The following UGT2A1 variants were observed in gnomAD, a reference collection of about 807,000 sequenced individuals.
UGT2A1 encodes the protein UDP glucuronosyltransferase family 2 member A1 complex locus.
UGT2A1 carries 61 observed loss-of-function variants against 45.4 expected under a neutral mutation model. The ratio of observed to expected loss-of-function variants is 1.34; its 90% CI spans 1.09 to 1.66. The LOEUF (loss-of-function observed/expected upper bound fraction) is 1.66. UGT2A1 is among the 40% of genes most tolerant of loss of function. The pLI, the probability that UGT2A1 is intolerant of heterozygous loss-of-function variation, is 0.00. For synonymous variants in UGT2A1, 229 were observed against 196.2 expected (o/e 1.17, Z -1.40); for missense variants, 649 against 574.3 (o/e 1.13, Z -1.33).
chr4:69,594,756 G>C lies in UGT2A1; in HGVS notation c.1085-60C>G. 7 of 1,542,990 alleles carry C rather than the reference G, an allele frequency of 4.5e-6. No homozygotes were observed. The South Asian group carries it at 7.2e-5, about 16-fold the overall frequency. On this transcript the variant is annotated intron_variant, in intron 5 of 6. Transcript: ENST00000286604. ...ATAATAACACATTAGCAGAATTTGA[G>C]AGACAGAAGGGGTCAAAAAGCTGTA...
At chr4:69,650,457 T>G (rs1214745662) in intron 1 of UGT2A1, among the ~76,000 whole-genome samples, 1 of 152,038 alleles carries the variant, frequency 6.6e-6, no homozygotes, top group African/African-American at 2.4e-5. Context: ...AATCCTAGCT[T>G]CACATTATGC....
At position 69,594,476 on chromosome 4, in the gene UGT2A1, C is replaced by A; in HGVS notation, c.1304+1G>T. 1.2e-6 allele frequency: 2 copies of A among 1,613,982 alleles called. No individual in the cohort carries two copies. Among genetic ancestry groups the A allele is most frequent in the Non-Finnish European group, 1.7e-6 (2 of 1,179,962 alleles). ...AAGTTTTTAGGAGCCTTAGTACTTA[C>A]GAAGGTTCATTAATGACTGTTCTCA... is the stretch of plus-strand genomic sequence containing the variant. On this transcript the variant is annotated splice_donor_variant, in intron 6 of 6. Transcript: ENST00000286604. LOFTEE classifies it high-confidence loss of function.
rs192088038 is a variant in UGT2A1, at chr4:69,604,696, C to T, written c.848-5302G>A. 1.6e-4 allele frequency among the ~76,000 whole-genome samples: 22 copies of T among 136,728 alleles called. 3 individuals are homozygous for T. Among genetic ancestry groups the T allele is most frequent in the Non-Finnish European group, 2.6e-4 (17 of 64,322 alleles). The allele number at this position is 136,728 out of a possible 152,430, so 89.7% of individuals were successfully genotyped here. On this transcript the variant is annotated intron_variant, in intron 3 of 6. Coordinates refer to ENST00000286604, the MANE Select transcript of UGT2A1 (RefSeq NM_001252275.3). ...AACCCATCTCACGTGAAGAGACACA[C>T]ATAGGCTCAAAATAAAGTGATGGAG...
chr4:69,627,416 C>G (rs1465936519), intron 3 of UGT2A1, among the ~76,000 whole-genome samples: 1 of 150,138 alleles, frequency 6.7e-6, no homozygotes, highest in South Asian at 2.1e-4. Context: ...TAGATTATAA[C>G]AAAATTCCAA....
chr4:69,639,288 T>C lies in UGT2A1; in HGVS notation c.716-3466A>G, dbSNP rs759731913. ...AGTGTCTAGAAGTTTTCCTAGTTCT[T>C]TGTAGAAAGCCCATATTGTGAGAGG... On this transcript the variant is annotated intron_variant, in intron 2 of 6. Coordinates refer to ENST00000286604, the MANE Select transcript of UGT2A1 (RefSeq NM_001252275.3). The C allele has an allele frequency of 1.9e-6, 3 of 1,613,732 alleles. No individual in the cohort carries two copies. Among genetic ancestry groups the C allele is most frequent in the African/African-American group, 2.7e-5 (2 of 75,026 alleles).
chr4:69,650,699 T>A (rs1371617060), intron 1 of UGT2A1, among the ~76,000 whole-genome samples: 1 of 152,098 alleles, frequency 6.6e-6, no homozygotes, highest in Non-Finnish European at 1.5e-5. Context: ...GTATATTACC[T>A]GGAGTAAAAG....
At chr4:69,650,180 A>G (rs543694791) in intron 1 of UGT2A1, among the ~76,000 whole-genome samples, 1 of 151,600 alleles carries the variant, frequency 6.6e-6, no homozygotes, top group Non-Finnish European at 1.5e-5. Context: ...AAGACAAAGA[A>G]CTCTTGAGTA....
rs1418005929 is a variant in UGT2A1 at position 69,588,468 on chromosome 4, A to G, written c.*904T>C. 6.6e-6 allele frequency: 1 copy of G among 152,082 alleles called. No homozygotes were observed. Among genetic ancestry groups the G allele is most frequent in the African/African-American group, 2.4e-5 (1 of 41,428 alleles). The allele number at this position is 152,082 out of a possible 1,614,324, so 9.4% of individuals were successfully genotyped here. On this transcript the variant is annotated 3_prime_UTR_variant, in exon 7 of 7. Coordinates refer to ENST00000286604, the MANE Select transcript of UGT2A1 (RefSeq NM_001252275.3). The stretch of plus-strand genomic sequence containing the variant: ...TTTTTGGCATAAAATTAAACTTTTG[A>G]TTACAAATAGTGATTATATATTATG...
At chr4:69,609,604 C>T (rs970944793) in intron 3 of UGT2A1, among the ~76,000 whole-genome samples, 2 of 152,126 alleles carry the variant, frequency 1.3e-5, no homozygotes, top group Non-Finnish European at 2.9e-5. Flanking sequence ...ATATAACACC[C>T]TACTCGTGAA....
At chr4:69,614,061 T>C (rs767257657) in intron 3 of UGT2A1, among the ~76,000 whole-genome samples, 5 of 151,966 alleles carry the variant, frequency 3.3e-5, no homozygotes, top group Non-Finnish European at 4.4e-5. Context: ...AAAAATATGA[T>C]CTTGTATCTA....
chr4:69,592,425 T>C (rs1577939949), intron 6 of UGT2A1, among the ~76,000 whole-genome samples: 1 of 152,060 alleles, frequency 6.6e-6, no homozygotes, highest in African/African-American at 2.4e-5. Context: ...AGGTATTGCA[T>C]ATAGTCCAAA....
chr4:69,646,661 A>G (rs1395254102), intron 2 of UGT2A1, among the ~76,000 whole-genome samples: 2 of 151,858 alleles, frequency 1.3e-5, no homozygotes, highest in African/African-American at 4.8e-5. Flanking sequence ...CATGAGATCC[A>G]GCCCAACTTT....
At chr4:69,631,861 C>T (rs552660367) in intron 3 of UGT2A1, among the ~76,000 whole-genome samples, 1 of 152,284 alleles carries the variant, frequency 6.6e-6, no homozygotes, top group Middle Eastern at 3.4e-3. Flanking sequence ...AATTTCTATT[C>T]TAACACAAGG....
intron 2 of UGT2A1, chr4:69,639,686 T>C (rs1721946523): frequency 1.3e-6 from 2 of 1,485,960 alleles, no homozygotes; most frequent in Non-Finnish European, 1.8e-6. Context: ...TCAAAGTATA[T>C]TTAGGTCAAT....
Position 69,629,704 on chromosome 4 carries a change from C to A in UGT2A1, c.847+5987G>T, listed in dbSNP as rs145336189. ...CCTGTACAACTCTACTGGAAGAGGA[C>A]CCCTGCAAGCTTGCAACTGATCTTT... On this transcript the variant is annotated intron_variant, in intron 3 of 6. Transcript: ENST00000286604. Among the ~76,000 whole-genome samples, 804 of 152,112 alleles carry A rather than the reference C, an allele frequency of 5.3e-3. 9 individuals are homozygous for A. The highest frequency in any genetic ancestry group is 0.018 in the African/African-American group (737 of 41,510).
At chr4:69,623,514 T>A (rs530117504) in intron 3 of UGT2A1, among the ~76,000 whole-genome samples, 1 of 151,714 alleles carries the variant, frequency 6.6e-6, no homozygotes, top group African/African-American at 2.4e-5. Context: ...GCATAATATT[T>A]AACAGAATAG....
At chr4:69,594,797 G>A in intron 5 of UGT2A1, 101 bp from the exon 6 acceptor site, 1 of 1,363,818 alleles carries the variant, frequency 7.3e-7, no homozygotes, top group Non-Finnish European at 9.9e-7. Flanking sequence ...ACTCTCTAAA[G>A]AAGGATACGT....
In UGT2A1 at chr4:69,599,391, C is replaced by A; in HGVS notation, c.851G>T (p.Arg284Ile). ...CATAGTCTCACATAACGTAGTGGGT[C>A]TTCCTGGAGAAAATGTAACAAGTTG... The part of the protein sequence containing the change: ...CSWDYRLPAG[R>I]PTTLCETMGK... Residue 284 changes from arginine to isoleucine, a missense_variant, in exon 4 of 7, where the codon AGA becomes ATA. Transcript: ENST00000286604. 1 of 1,612,168 alleles carries A rather than the reference C, an allele frequency of 6.2e-7. No individual in the cohort carries two copies. The highest frequency in any genetic ancestry group is 2.2e-5 in the East Asian group (1 of 44,802).
intron 3 of UGT2A1, among the ~76,000 whole-genome samples, chr4:69,635,485 T>C (rs760400013): frequency 6.6e-6 from 1 of 152,152 alleles, no homozygotes; most frequent in Admixed American, 6.5e-5. Context: ...AATTCTACAG[T>C]GAGAACTATC....
Sources: gnomAD v4.1 joint callset for allele counts (sites outside exome capture counted in the v4.1 genomes callset) on GRCh38, gnomAD v4.1.1 for gene constraint, MANE v1.5 for transcripts, NCBI Gene and HGNC (gene_info 2026-07-23, HGNC 2026-07-21) for gene names.